The following ENTPD5 variants were observed in gnomAD, a reference collection of about 807,000 sequenced individuals.
The protein encoded by ENTPD5 is nucleoside diphosphate phosphatase ENTPD5.
ENTPD5 carries 49 observed loss-of-function variants against 60.2 expected under a neutral mutation model. The ratio of observed to expected loss-of-function variants is 0.81; its 90% confidence interval spans 0.65 to 1.03. The LOEUF (loss-of-function observed/expected upper bound fraction) is 1.03. Among genes scored for constraint, ENTPD5 ranks in the 50% least tolerant of loss-of-function variants. The pLI is 0.00. For missense variants in ENTPD5, 480 were observed against 507.6 expected (o/e 0.95, Z 0.52); for synonymous variants, 187 against 185.4 (o/e 1.01, Z -0.07).
chr14:73,984,379 G>A (rs1013181128), intron 5 of ENTPD5, among the ~76,000 whole-genome samples: 6 of 152,178 alleles, frequency 3.9e-5, no homozygotes, highest in African/African-American at 1.4e-4. Context: ...ACTGTTGTGT[G>A]CATGAGGCAT....
chr14:73,992,553 G>A (rs1373834204), intron 3 of ENTPD5, among the ~76,000 whole-genome samples: 3 of 151,774 alleles, frequency 2.0e-5, no homozygotes, highest in South Asian at 2.1e-4. Context: ...GCGTGGTGGC[G>A]CATGCCTGTC....
At position 73,971,842 on chromosome 14, in the gene ENTPD5, T is replaced by A; in HGVS notation, c.1084+10A>T. The A allele has an allele frequency of 6.3e-7, 1 of 1,599,788 alleles. No individual in the cohort carries two copies. Among genetic ancestry groups the A allele is most frequent in the Non-Finnish European group, 8.6e-7 (1 of 1,166,960 alleles). ...CAGGCTTACCTTCAAGGGCTTCCCC[T>A]GACACTTACCTTCCCTGGCTTTTCT... On this transcript the variant is annotated intron_variant, in intron 14 of 15. Coordinates refer to ENST00000334696, the MANE Select transcript of ENTPD5 (RefSeq NM_001249.5).
At chr14:73,995,805 G>A (rs1197016505) in intron 3 of ENTPD5, among the ~76,000 whole-genome samples, 1 of 152,074 alleles carries the variant, frequency 6.6e-6, no homozygotes, top group African/African-American at 2.4e-5. Flanking sequence ...GTATACGTCA[G>A]TACATTTAAA....
intron 3 of ENTPD5, among the ~76,000 whole-genome samples, chr14:74,006,429 G>C (rs2058680988): frequency 6.6e-6 from 1 of 151,848 alleles, no homozygotes. Context: ...GACTACAGGT[G>C]CCCGCCGCCA....
intron 3 of ENTPD5, among the ~76,000 whole-genome samples, chr14:73,988,965 A>T (rs1367565658): frequency 6.6e-6 from 1 of 151,886 alleles, no homozygotes; most frequent in Non-Finnish European, 1.5e-5. Context: ...CTGGGATTAC[A>T]GGGACCCACC....
intron 6 of ENTPD5, among the ~76,000 whole-genome samples, chr14:73,980,929 C>T (rs1594877346): frequency 6.6e-6 from 1 of 151,876 alleles, no homozygotes; most frequent in African/African-American, 2.4e-5. Flanking sequence ...GAAACCCCAT[C>T]TCTACTAAAA....
At chr14:73,955,488 C>A (rs753743121), downstream of ENTPD5, 1 of 1,614,124 alleles carries the variant, frequency 6.2e-7, no homozygotes, top group Non-Finnish European at 8.5e-7. Flanking sequence ...ACATGAGATA[C>A]AGAGCCTTTC....
At chr14:74,003,567 C>T in intron 3 of ENTPD5, 2 of 656,892 alleles carry the variant, frequency 3.0e-6, no homozygotes, top group Non-Finnish European at 5.4e-6. Flanking sequence ...GGACTGCATG[C>T]TATTGTGTAG....
chr14:74,008,566 T>C (rs2140847440), intron 3 of ENTPD5, among the ~76,000 whole-genome samples: 1 of 152,070 alleles, frequency 6.6e-6, no homozygotes, highest in Admixed American at 6.6e-5. Context: ...GCTAACTTTT[T>C]GTGTATTTTT....
chr14:73,960,380 G>A (rs1198598522), downstream of ENTPD5: 12 of 987,324 alleles, frequency 1.2e-5, no homozygotes, highest in South Asian at 4.7e-5. Flanking sequence ...ACAGCCTTTG[G>A]ATAATATGGG....
intron 6 of ENTPD5, among the ~76,000 whole-genome samples, chr14:73,979,462 A>G (rs1178499844): frequency 2.0e-5 from 3 of 148,792 alleles, no homozygotes; most frequent in East Asian, 1.9e-4. Context: ...TACCCAGTAC[A>G]TAGTAAGCAC....
intron 3 of ENTPD5, among the ~76,000 whole-genome samples, chr14:74,006,529 C>A (rs1014697426): frequency 6.6e-6 from 1 of 151,180 alleles, no homozygotes; most frequent in Admixed American, 6.6e-5. Context: ...GTGATCCGCC[C>A]GCCTCGGCCT....
At chr14:73,982,502 A>G (rs978097579) in intron 6 of ENTPD5, among the ~76,000 whole-genome samples, 1 of 152,146 alleles carries the variant, frequency 6.6e-6, no homozygotes, top group Admixed American at 6.5e-5. Flanking sequence ...CATGCCTGTA[A>G]TTCCAGCACT....
downstream of ENTPD5, chr14:73,961,853 T>C (rs1275539202): frequency 1.2e-6 from 2 of 1,614,090 alleles, no homozygotes; most frequent in African/African-American, 1.3e-5. Context: ...CCCGCTTGTG[T>C]TGCTCAGGAC....
intron 3 of ENTPD5, among the ~76,000 whole-genome samples, chr14:73,995,854 C>T (rs2058324851): frequency 6.6e-6 from 1 of 152,034 alleles, no homozygotes; most frequent in Non-Finnish European, 1.5e-5. Flanking sequence ...TTTTCTCTTG[C>T]TCACTATCTC....
intron 4 of ENTPD5, chr14:73,987,113 C>G (rs1006745191): frequency 1.4e-6 from 1 of 703,076 alleles, no homozygotes; most frequent in Non-Finnish European, 2.6e-6. Flanking sequence ...GGACACCTAA[C>G]TCCTCCACCT....
In ENTPD5 at chr14:73,975,885, T is replaced by A. The variant is rs757261431; in HGVS notation, c.722+51A>T. ...CAGATTTGAGAATGCTTTGGAAAGT[T>A]AGGAGAATCATACAACATGAAATAT... On this transcript the variant is annotated intron_variant, in intron 10 of 15. Coordinates refer to ENST00000334696, the MANE Select transcript of ENTPD5 (RefSeq NM_001249.5). The A allele has an allele frequency of 2.8e-6, 4 of 1,424,272 alleles. No individual in the cohort carries two copies. The South Asian group carries it at 3.6e-5, about 13-fold the overall frequency. 88.2% of individuals were successfully genotyped at this position (1,424,272 alleles called of 1,614,324 possible).
In ENTPD5 at chr14:74,003,476, C is replaced by T. The variant is rs545405844; in HGVS notation, c.-71+7615G>A. 1.1e-5 allele frequency: 16 copies of T among 1,427,592 alleles called. No homozygotes were observed. In the East Asian group the frequency reaches 2.0e-4, roughly 18 times the overall value. 88.4% of individuals were successfully genotyped at this position (1,427,592 alleles called of 1,614,324 possible). ...AGATGAGGCAGAGGTCCAAGTAAAC[C>T]GCTAGCTTGTTGCACCGTGGAGGCC... On this transcript the variant is annotated intron_variant, in intron 3 of 15. Transcript: ENST00000334696.
intron 15 of ENTPD5, among the ~76,000 whole-genome samples, chr14:73,969,245 TAGC>T (rs2057114862): frequency 6.6e-6 from 1 of 152,206 alleles, no homozygotes; most frequent in Non-Finnish European, 1.5e-5. Flanking sequence ...ACCACTCTAT[TAGC>T]AGCAGAGACA....
Sources: allele counts gnomAD v4.1 joint callset (sites outside exome capture counted in the v4.1 genomes callset), GRCh38; gene constraint gnomAD v4.1.1; transcripts MANE v1.5; gene names NCBI Gene and HGNC (gene_info 2026-07-23, HGNC 2026-07-21).